PLCL1: variants seen among roughly 807,000 people sequenced by gnomAD.
PLCL1 encodes inactive phospholipase C-like protein 1.
PLCL1 carries 41 observed loss-of-function variants against 84.4 expected under a neutral mutation model. The observed-to-expected ratio is 0.49, with a 90% confidence interval of 0.38 to 0.63. The LOEUF is 0.63. PLCL1 is among the 30% of genes least tolerant of loss of function. PLCL1 has a pLI of 0.00. For synonymous variants in PLCL1, 490 were observed against 488.3 expected (o/e 1.00, Z -0.05); for missense variants, 1,206 against 1,367.8 (o/e 0.88, Z 1.87).
intron 5 of PLCL1, among the ~76,000 whole-genome samples, chr2:198,110,908 A>C (rs1332968723): frequency 6.6e-6 from 1 of 151,872 alleles, no homozygotes; most frequent in Non-Finnish European, 1.5e-5. Flanking sequence ...TTGAGTATTC[A>C]GAAAAAAAAG....
At chr2:198,034,390 A>G (rs539336780) in intron 1 of PLCL1, among the ~76,000 whole-genome samples, 2 of 152,308 alleles carry the variant, frequency 1.3e-5, no homozygotes, top group African/African-American at 4.8e-5. Flanking sequence ...TACCCAAAGG[A>G]TTATAAATCA....
At chr2:198,031,574 T>C (rs979162089) in intron 1 of PLCL1, among the ~76,000 whole-genome samples, 1 of 151,694 alleles carries the variant, frequency 6.6e-6, no homozygotes. Flanking sequence ...CACTGCAGCC[T>C]TGACCTCCTG....
At chr2:198,005,806 A>G (rs1481899955) in intron 1 of PLCL1, among the ~76,000 whole-genome samples, 1 of 152,224 alleles carries the variant, frequency 6.6e-6, no homozygotes, top group African/African-American at 2.4e-5. Context: ...CGATATCACA[A>G]AAGGCGGTGC....
At chr2:197,906,110 C>T (rs1161332199) in intron 1 of PLCL1, among the ~76,000 whole-genome samples, 1 of 152,076 alleles carries the variant, frequency 6.6e-6, no homozygotes, top group Non-Finnish European at 1.5e-5. Flanking sequence ...GTTGCAATTG[C>T]TTTGGTGTTT....
chr2:197,885,356 C>G (rs892457648), intron 1 of PLCL1, among the ~76,000 whole-genome samples: 3 of 152,042 alleles, frequency 2.0e-5, no homozygotes, highest in Admixed American at 6.6e-5. Flanking sequence ...GGTGTGAATC[C>G]CAGTCTGAAG....
At chr2:198,010,024 G>A (rs780112082) in intron 1 of PLCL1, among the ~76,000 whole-genome samples, 1 of 151,880 alleles carries the variant, frequency 6.6e-6, no homozygotes, top group Non-Finnish European at 1.5e-5. Context: ...TTTGATCATC[G>A]ATTTTGAATC....
At chr2:198,059,807 G>A (rs987827111) in intron 1 of PLCL1, among the ~76,000 whole-genome samples, 3 of 152,168 alleles carry the variant, frequency 2.0e-5, no homozygotes, top group Non-Finnish European at 4.4e-5. Context: ...GGTAGCCCAG[G>A]CAAACAGAGT....
At chr2:197,966,601 T>C (rs902566714) in intron 1 of PLCL1, among the ~76,000 whole-genome samples, 10 of 152,248 alleles carry the variant, frequency 6.6e-5, no homozygotes, top group African/African-American at 2.4e-4. Context: ...CTTTGAACAA[T>C]GCAGCTGCTG....
chr2:198,094,223 A>G lies in PLCL1; in HGVS notation c.2919+5162A>G, dbSNP rs570801630. Among the ~76,000 whole-genome samples the G allele has an allele frequency of 2.0e-4, 30 of 152,090 alleles. No homozygotes were observed. The South Asian group carries it at 5.8e-3, about 30-fold the overall frequency. ...ACAACAAACACCCACCACCATGCCC[A>G]GCTAATTTTTTGTATTTTTAGTAGA... On this transcript the variant is annotated intron_variant, in intron 3 of 5. Coordinates refer to ENST00000428675, the MANE Select transcript of PLCL1 (RefSeq NM_006226.4).
chr2:197,848,778 T>G (rs1402455573), intron 1 of PLCL1, among the ~76,000 whole-genome samples: 1 of 152,170 alleles, frequency 6.6e-6, no homozygotes, highest in Admixed American at 6.5e-5. Context: ...GCCTAGAGAC[T>G]GGTTTGGCCT....
chr2:198,103,750 C>A (rs1003445415), intron 4 of PLCL1, 77 bp from the exon 5 acceptor site: 1 of 647,112 alleles, frequency 1.5e-6, no homozygotes, highest in Non-Finnish European at 2.7e-6. Flanking sequence ...TTATATTTTA[C>A]TGATAATATT....
chr2:197,971,087 C>T (rs553036379), intron 1 of PLCL1, among the ~76,000 whole-genome samples: 1 of 152,296 alleles, frequency 6.6e-6, no homozygotes, highest in East Asian at 1.9e-4. Context: ...ATTTTCTTAT[C>T]TTTGTAAAAA....
chr2:198,148,330 C>G lies in PLCL1; in HGVS notation c.*1368C>G, dbSNP rs540220477. ...CAAATATAAACATCTCCTATAGCTT[C>G]TGTGTTATTTCTGACTTCTTAACAC... is the stretch of plus-strand genomic sequence containing the variant. On this transcript the variant is annotated 3_prime_UTR_variant, in exon 6 of 6. Coordinates refer to ENST00000428675, the MANE Select transcript of PLCL1 (RefSeq NM_006226.4). 6.6e-6 allele frequency: 1 copy of G among 152,392 alleles called. No homozygotes were observed. The highest frequency in any genetic ancestry group is 2.4e-5 in the African/African-American group (1 of 41,552). The allele number at this position is 152,392 out of a possible 1,614,324, so 9.4% of individuals were successfully genotyped here.
At chr2:197,996,038 G>A (rs1305697453) in intron 1 of PLCL1, among the ~76,000 whole-genome samples, 3 of 152,182 alleles carry the variant, frequency 2.0e-5, no homozygotes, top group South Asian at 4.1e-4. Context: ...CAGCGACAGG[G>A]AGGGGGCTGC....
chr2:198,085,195 G>A lies in PLCL1; in HGVS notation c.1678G>A (p.Glu560Lys). Reference sequence around the variant, plus strand: ...AGAAGGAGAAGTAACAGATGAAGATGAAGAAGCTGAAATGTCTCGAAGGAT... The same window carrying A: ...AGAAGGAGAAGTAACAGATGAAGATAAAGAAGCTGAAATGTCTCGAAGGAT... ...VLEGEVTDED[E>K]EAEMSRRMSV... Residue 560 changes from glutamate (E) to lysine (K), a missense_variant, in exon 2 of 6, where the codon GAA becomes AAA. Physicochemically the swap from Glu to Lys is moderately conservative, Grantham distance 56. Coordinates refer to ENST00000428675, the MANE Select transcript of PLCL1 (RefSeq NM_006226.4). The surrounding 1 kb of genome is among the most constrained non-coding windows in gnomAD (Gnocchi z 5.3). 3 of 1,613,980 alleles carry A rather than the reference G, an allele frequency of 1.9e-6. No homozygotes were observed. The highest frequency in any genetic ancestry group is 2.5e-6 in the Non-Finnish European group (3 of 1,179,948).
In PLCL1 at chr2:197,860,767, A is replaced by G. The variant is rs547959289; in HGVS notation, c.240+55428A>G. Reference sequence around the variant, plus strand: ...AAGTTCCTTATAGATGCTGGATATTAGATCTTTGTTAGATGCATAGTTTGC... The same window carrying G: ...AAGTTCCTTATAGATGCTGGATATTGGATCTTTGTTAGATGCATAGTTTGC... On this transcript the variant is annotated intron_variant, in intron 1 of 5. Coordinates refer to ENST00000428675, the MANE Select transcript of PLCL1 (RefSeq NM_006226.4). 8.5e-5 allele frequency among the ~76,000 whole-genome samples: 13 copies of G among 152,292 alleles called. No homozygotes were observed. In the South Asian group the frequency reaches 1.9e-3, roughly 22 times the overall value.
At chr2:198,126,778 A>G (rs1693996838) in intron 5 of PLCL1, among the ~76,000 whole-genome samples, 2 of 151,948 alleles carry the variant, frequency 1.3e-5, no homozygotes, top group Non-Finnish European at 1.5e-5. Flanking sequence ...GGTGGCACAT[A>G]TCTATAGTCT....
chr2:198,080,530 C>T (rs949712810), intron 1 of PLCL1, among the ~76,000 whole-genome samples: 2 of 152,116 alleles, frequency 1.3e-5, no homozygotes, highest in African/African-American at 4.8e-5. Context: ...TTCCATCTCC[C>T]CTCCTCCCAA....
intron 1 of PLCL1, among the ~76,000 whole-genome samples, chr2:198,037,237 TA>T (rs1326288660): frequency 1.3e-5 from 2 of 152,202 alleles, no homozygotes; most frequent in Admixed American, 1.3e-4. Flanking sequence ...TAGGTGTTAA[TA>T]AAAATCAGGA....
Sources: allele counts gnomAD v4.1 joint callset (sites outside exome capture counted in the v4.1 genomes callset), GRCh38; gene constraint gnomAD v4.1.1; non-coding constraint Gnocchi (gnomAD v3.1); transcripts MANE v1.5; gene names NCBI Gene and HGNC (gene_info 2026-07-23, HGNC 2026-07-21).